The following DHX57 variants were observed in gnomAD, a reference collection of about 807,000 sequenced individuals.
The protein encoded by DHX57 is putative ATP-dependent RNA helicase DHX57.
Under a neutral mutation model 156.2 loss-of-function variants are expected in DHX57, and 105 were observed. The ratio of observed to expected loss-of-function variants is 0.67; its 90% CI spans 0.57 to 0.79. The LOEUF is 0.79. Ranked by LOEUF, DHX57 falls within the 30% of genes least tolerant of loss-of-function variation. The probability of loss-of-function intolerance (pLI) is 0.00; values close to 1 mark genes in which losing one functional copy is unlikely to be tolerated. For missense variants in DHX57, 1,847 were observed against 1,661.9 expected (o/e 1.11, Z -1.94); for synonymous variants, 704 against 595.6 (o/e 1.18, Z -2.65).
In DHX57 at chr2:38,861,364, G is replaced by T; in HGVS notation, c.1046C>A (p.Ala349Glu). The change falls in exon 5 of 24, where the codon GCA becomes GAA. Residue 349 changes from alanine to glutamate, a missense_variant. Coordinates refer to ENST00000457308, the MANE Select transcript of DHX57 (RefSeq NM_198963.3). ...DDSHLNAIED[A>E]SFLYELEIRF... The stretch of plus-strand genomic sequence containing the variant: ...AATTTCAAGTTCATATAAAAAAGAT[G>T]CATCTTCAATAGCATTAAGATGAGA... The T allele has an allele frequency of 6.2e-7, 1 of 1,613,518 alleles. No individual in the cohort carries two copies. The highest frequency in any genetic ancestry group is 8.5e-7 in the Non-Finnish European group (1 of 1,179,828).
chr2:38,800,728 C>T (rs1201297756), intron 23 of DHX57, among the ~76,000 whole-genome samples: 3 of 152,100 alleles, frequency 2.0e-5, no homozygotes, highest in Non-Finnish European at 2.9e-5. Flanking sequence ...CTATTGCAGC[C>T]CTTTCGATAC....
Position 38,825,912 on chromosome 2 carries a change from A to T in DHX57, c.2949T>A (p.Asn983Lys), listed in dbSNP as rs749881593. The T allele has an allele frequency of 1.2e-6, 2 of 1,614,176 alleles. No homozygotes were observed. The highest frequency in any genetic ancestry group is 8.5e-7 in the Non-Finnish European group (1 of 1,180,030). ...CFHLFTSHHYNHQLLKQQLPE... is the reference protein window; with the variant it reads ...CFHLFTSHHYKHQLLKQQLPE... ...GTAGCTGTTGTTTTAAAAGCTGGTG[A>T]TTGTAGTGATGGCTAGTGAATAAAT... is the stretch of plus-strand genomic sequence containing the variant. Residue 983 changes from asparagine to lysine, a missense_variant, in exon 16 of 24, where the codon AAT (asparagine) becomes AAA (lysine). Transcript: ENST00000457308.
At chr2:38,830,132 G>A (rs929081772) in intron 13 of DHX57, among the ~76,000 whole-genome samples, 1 of 152,076 alleles carries the variant, frequency 6.6e-6, no homozygotes, top group Non-Finnish European at 1.5e-5. Flanking sequence ...TATAAAACAA[G>A]CATCTGTCAG....
intron 21 of DHX57, among the ~76,000 whole-genome samples, chr2:38,809,333 C>T (rs1427196837): frequency 3.3e-5 from 5 of 151,830 alleles, no homozygotes; most frequent in Admixed American, 3.3e-4. Context: ...CTCTGTTGCC[C>T]AAGCTGGTCT....
intron 14 of DHX57, among the ~76,000 whole-genome samples, chr2:38,827,521 T>C (rs7370444): frequency 1.7e-4 from 3 of 17,248 alleles, no homozygotes. Context: ...TATATATATA[T>C]ATATATATAT....
chr2:38,821,065 GA>G (rs987977560), intron 17 of DHX57, among the ~76,000 whole-genome samples: 23 of 150,344 alleles, frequency 1.5e-4, no homozygotes, highest in Non-Finnish European at 2.1e-4. Flanking sequence ...TAGAAATAAT[GA>G]AAAAAAAATT....
At chr2:38,867,066 A>G (rs1350066322) in intron 2 of DHX57, 5 of 152,150 alleles carry the variant, frequency 3.3e-5, no homozygotes, top group African/African-American at 1.2e-4. Flanking sequence ...TTTTTACTAT[A>G]CCTTTTCTAC....
intron 13 of DHX57, 35 bp from the exon 14 acceptor site, chr2:38,828,471 C>T (rs1378116280): frequency 1.4e-6 from 2 of 1,466,746 alleles, no homozygotes; most frequent in East Asian, 2.3e-5. Context: ...TGTGGGTAAG[C>T]ATAGGCACAG....
At chr2:38,841,769 TG>T (rs569440635) in intron 12 of DHX57, among the ~76,000 whole-genome samples, 58 of 152,286 alleles carry the variant, frequency 3.8e-4, no homozygotes, top group African/African-American at 1.3e-3. Context: ...GTAGTGATCC[TG>T]GGGTTTCTAT....
Position 38,806,539 on chromosome 2 carries a change from GTA to G in DHX57, c.3816+18_3816+19del. 1 of 1,612,252 alleles carries G rather than the reference GTA, an allele frequency of 6.2e-7. No homozygotes were observed. The highest frequency in any genetic ancestry group is 8.5e-7 in the Non-Finnish European group (1 of 1,179,262). On this transcript the variant is annotated intron_variant, in intron 22 of 23. Transcript: ENST00000457308. Reference sequence around the variant, plus strand: ...CCCCAGGACGACCTGTAAACATTAAGTATACTCCACCATTCTGACCTGATAGT... The same window carrying G: ...CCCCAGGACGACCTGTAAACATTAAGTACTCCACCATTCTGACCTGATAGT...
At position 38,821,294 on chromosome 2, in the gene DHX57, T is replaced by G. The variant is rs139990559; in HGVS notation, c.3291+1699A>C. Among the ~76,000 whole-genome samples, 713 of 152,106 alleles carry G rather than the reference T, an allele frequency of 4.7e-3. 4 individuals are homozygous for G. The highest frequency in any genetic ancestry group is 0.011 in the African/African-American group (443 of 41,488). On this transcript the variant is annotated intron_variant, in intron 17 of 23. Coordinates refer to ENST00000457308, the MANE Select transcript of DHX57 (RefSeq NM_198963.3). The stretch of plus-strand genomic sequence containing the variant: ...CAAAACAAGAAACTAAACTTCTACT[T>G]TAAGACACTAGAAAAAGAAGAGCCA...
intron 2 of DHX57, among the ~76,000 whole-genome samples, chr2:38,867,972 T>C (rs1175643145): frequency 1.3e-5 from 2 of 152,332 alleles, no homozygotes; most frequent in South Asian, 2.1e-4. Context: ...CTGGGTATAA[T>C]AGCAGTATTA....
chr2:38,807,203 C>A (rs754894114), intron 21 of DHX57, among the ~76,000 whole-genome samples: 1 of 151,626 alleles, frequency 6.6e-6, no homozygotes, highest in African/African-American at 2.4e-5. Context: ...TACAAGTGTG[C>A]GCCACCACAC....
At chr2:38,815,984 G>C (rs1670526883) in intron 19 of DHX57, 1 of 397,796 alleles carries the variant, frequency 2.5e-6, no homozygotes, top group African/African-American at 2.1e-5. Flanking sequence ...TCTTAGGACA[G>C]CAAAAAATGC....
Position 38,868,448 on chromosome 2 carries a change from C to A in DHX57, c.-6-37G>T, listed in dbSNP as rs769694987. On this transcript the variant is annotated intron_variant, in intron 1 of 23. Transcript: ENST00000457308. ...AAAAATTAATGTAGACATCATAAAA[C>A]CAGACATGTATGATAATCCTTTGTT... The A allele has an allele frequency of 1.9e-6, 3 of 1,590,822 alleles. No homozygotes were observed. The East Asian group carries it at 6.7e-5, about 36-fold the overall frequency.
intron 22 of DHX57, among the ~76,000 whole-genome samples, chr2:38,803,578 C>G (rs868177510): frequency 1.3e-5 from 2 of 151,214 alleles, no homozygotes; most frequent in Non-Finnish European, 2.9e-5. Context: ...ACCTCTGCCC[C>G]CTAGGTTCAA....
rs749093048 is a variant in DHX57, at chr2:38,798,332, G to C, written c.4128C>G (p.Ile1376Met). The part of the protein sequence containing the change: ...LCTCPRGSRI[I>M]STIVKLVTTQ Reference sequence around the variant, plus strand: ...TGGTGACAAGTTTCACAATTGTGCTGATGATCCGGGATCCTCGAGGACACG... The same window carrying C: ...TGGTGACAAGTTTCACAATTGTGCTCATGATCCGGGATCCTCGAGGACACG... Residue 1376 changes from isoleucine (I) to methionine (M), a missense_variant, in exon 24 of 24, where the codon ATC becomes ATG. By Grantham distance (10) the Ile-to-Met change is conservative. Transcript: ENST00000457308. The C allele has an allele frequency of 5.6e-6, 9 of 1,613,856 alleles. No individual in the cohort carries two copies. The highest frequency in any genetic ancestry group is 7.6e-6 in the Non-Finnish European group (9 of 1,179,934).
chr2:38,809,967 C>T (rs1670156635), intron 21 of DHX57, among the ~76,000 whole-genome samples: 1 of 151,946 alleles, frequency 6.6e-6, no homozygotes, highest in South Asian at 2.1e-4. Context: ...GATCTCTGCT[C>T]ACTGCAACCT....
intron 6 of DHX57, among the ~76,000 whole-genome samples, chr2:38,858,202 C>A (rs1360118716): frequency 1.3e-5 from 2 of 152,182 alleles, no homozygotes; most frequent in African/African-American, 2.4e-5. Context: ...GCTGGGATTA[C>A]AGGCACCTGC....
Sources: allele counts gnomAD v4.1 joint callset (sites outside exome capture counted in the v4.1 genomes callset), GRCh38; gene constraint gnomAD v4.1.1; transcripts MANE v1.5; gene names NCBI Gene and HGNC (gene_info 2026-07-23, HGNC 2026-07-21).